RNF187: variants seen among roughly 807,000 people sequenced by gnomAD.
RNF187 encodes the protein E3 ubiquitin-protein ligase RNF187.
RNF187 carries 18 observed loss-of-function variants against 22.2 expected under a neutral mutation model. The observed-to-expected ratio is 0.81, with a 90% CI of 0.56 to 1.20. The LOEUF is 1.20. RNF187 is among the 50% of genes most tolerant of loss of function. The pLI, the probability that RNF187 is intolerant of heterozygous loss-of-function variation, is 0.00. For missense variants in RNF187, 329 were observed against 317.6 expected (o/e 1.04, Z -0.27); for synonymous variants, 164 against 140.9 (o/e 1.16, Z -1.16).
At chr1:228,490,972 CATGGGAG>C in intron 2 of RNF187, among the ~76,000 whole-genome samples, 7 of 152,144 alleles carry the variant, frequency 4.6e-5, no homozygotes, top group Non-Finnish European at 8.8e-5. Context: ...TCCCCTTGGC[CATGGGAG>C]ATGGGAGAGG....
At position 228,490,594 on chromosome 1, in the gene RNF187, C is replaced by T; in HGVS notation, c.483+1542C>T. On this transcript the variant is annotated intron_variant, in intron 2 of 3. Coordinates refer to ENST00000305943, the MANE Select transcript of RNF187 (RefSeq NM_001010858.3). ...GGAAGGAGTTTGCAGCGTGTTGCAT[C>T]AGCCAGCCAGCAGACACCCAGCTGT... Among the ~76,000 whole-genome samples the T allele has an allele frequency of 2.4e-3, 361 of 152,280 alleles. 2 individuals carry two copies. The highest frequency in any genetic ancestry group is 0.017 in the Middle Eastern group (5 of 294).
rs777048815 is a variant in RNF187 at position 228,487,543 on chromosome 1, C to T, written c.55C>T (p.Pro19Ser). The T allele has an allele frequency of 1.6e-6, 2 of 1,227,486 alleles. No individual in the cohort carries two copies. Among genetic ancestry groups the T allele is most frequent in the South Asian group, 2.2e-5 (1 of 46,354 alleles). 76.0% of individuals were successfully genotyped at this position (1,227,486 alleles called of 1,614,324 possible). A position where few individuals can be genotyped will look rare whatever the true frequency, so the allele number is the denominator to read the frequency against. Residue 19 changes from proline to serine, a missense_variant, in exon 1 of 4, where the codon CCC becomes TCC. Transcript: ENST00000305943. ...CGCCTGCGCCCTGTGCCAGCGCGCG[C>T]CCCGGGAACCGGTGCGCGCCGACTG...
intron 2 of RNF187, among the ~76,000 whole-genome samples, chr1:228,491,629 G>A: frequency 6.6e-6 from 1 of 151,908 alleles, no homozygotes; most frequent in Non-Finnish European, 1.5e-5. Context: ...TAGTGGAGAT[G>A]GGGTTTCACC....
Position 228,493,309 on chromosome 1 carries a change from G to C in RNF187, c.705+35G>C. On this transcript the variant is annotated intron_variant, in intron 3 of 3. Transcript: ENST00000305943. This position sits in a 1 kb window ranked among gnomAD's most constrained non-coding sequence, Gnocchi z 4.7. ...CCCCGCTGGGTCTGCCCACCATCGG[G>C]CCAGGGTGGACGCAGGCAGCAGCGA... The C allele has an allele frequency of 6.5e-7, 1 of 1,533,022 alleles. No individual in the cohort carries two copies. Among genetic ancestry groups the C allele is most frequent in the African/African-American group, 1.4e-5 (1 of 72,758 alleles). 95.0% of individuals were successfully genotyped at this position (1,533,022 alleles called of 1,614,324 possible). A position where few individuals can be genotyped will look rare whatever the true frequency, so the allele number is the denominator to read the frequency against.
chr1:228,489,443 AC>A, intron 2 of RNF187, among the ~76,000 whole-genome samples: 1 of 152,024 alleles, frequency 6.6e-6, no homozygotes. Context: ...GACTATAGGC[AC>A]GTGCTACCAC....
In RNF187 at chr1:228,489,014, C is replaced by G; in HGVS notation, c.445C>G (p.Leu149Val). 1 of 1,550,426 alleles carries G rather than the reference C, an allele frequency of 6.4e-7. No homozygotes were observed. Among genetic ancestry groups the G allele is most frequent in the Non-Finnish European group, 8.7e-7 (1 of 1,146,976 alleles). Residue 149 changes from leucine to valine, a missense_variant, in exon 2 of 4, where the codon CTG becomes GTG. Leu to Val is a conservative substitution (Grantham distance 32, BLOSUM62 1). Coordinates refer to ENST00000305943, the MANE Select transcript of RNF187 (RefSeq NM_001010858.3). ...AAAGGACTTGAATGACGCCCGGGAC[C>G]TGCATGGCCAGGCAGAGTCAGCAGC...
Position 228,493,843 on chromosome 1 carries a change from C to G in RNF187, c.706-40C>G. The G allele has an allele frequency of 6.5e-7, 1 of 1,549,366 alleles. No homozygotes were observed. The highest frequency in any genetic ancestry group is 8.7e-7 in the Non-Finnish European group (1 of 1,144,838). On this transcript the variant is annotated intron_variant, in intron 3 of 3. Transcript: ENST00000305943. The surrounding 1 kb of genome is among the most constrained non-coding windows in gnomAD (Gnocchi z 4.7). Reference sequence around the variant, plus strand: ...TCTCTGACTCTGTGTGTCTCTTTCTCTTTTTGTCTCTCTGTCTTTCCCTCT... The same window carrying G: ...TCTCTGACTCTGTGTGTCTCTTTCTGTTTTTGTCTCTCTGTCTTTCCCTCT...
At position 228,494,071 on chromosome 1, in the gene RNF187, A is replaced by G; in HGVS notation, c.*186A>G. 9.4e-6 allele frequency: 14 copies of G among 1,496,346 alleles called. No individual in the cohort carries two copies. In the East Asian group the frequency reaches 9.9e-5, roughly 11 times the overall value. 92.7% of individuals were successfully genotyped at this position (1,496,346 alleles called of 1,614,324 possible). A position where few individuals can be genotyped will look rare whatever the true frequency, so the allele number is the denominator to read the frequency against. On this transcript the variant is annotated 3_prime_UTR_variant, in exon 4 of 4. Transcript: ENST00000305943. ...CCCGAGGCGTGTTTTGGGGGCTGCA[A>G]ACACCTCCCGGTAGAGGCTGGACCT... is the stretch of plus-strand genomic sequence containing the variant.
At chr1:228,491,253 G>A in intron 2 of RNF187, among the ~76,000 whole-genome samples, 1 of 151,662 alleles carries the variant, frequency 6.6e-6, no homozygotes, top group African/African-American at 2.4e-5. Flanking sequence ...AGCCAGGTAT[G>A]GTGTTGCATC....
intron 2 of RNF187, among the ~76,000 whole-genome samples, chr1:228,491,758 C>A: frequency 8.5e-5 from 13 of 152,050 alleles, no homozygotes; most frequent in African/African-American, 3.1e-4. Flanking sequence ...TAATTTAACA[C>A]AAGTTTTATA....
rs980140972 is a variant in RNF187, at chr1:228,493,242, C to T, written c.673C>T (p.His225Tyr). Residue 225 changes from histidine (H) to tyrosine (Y), a missense_variant, in exon 3 of 4, where the codon CAT becomes TAT. Coordinates refer to ENST00000305943, the MANE Select transcript of RNF187 (RefSeq NM_001010858.3). The surrounding 1 kb of genome is among the most constrained non-coding windows in gnomAD (Gnocchi z 4.7). ...GGCGGTCTCGGAGCTGGAGAAGAAG[C>T]ATCGCAACCTGGGCCTCAGCATGCT... is the stretch of plus-strand genomic sequence containing the variant. 2 of 1,551,138 alleles carry T rather than the reference C, an allele frequency of 1.3e-6. No homozygotes were observed. The highest frequency in any genetic ancestry group is 1.7e-6 in the Non-Finnish European group (2 of 1,146,954).
At position 228,495,151 on chromosome 1, in the gene RNF187, C is replaced by A; in HGVS notation, c.*1266C>A. ...GGCCTGGGGGGAGATGGGGCTCCAC[C>A]CCGACGTAGCAGGGCAGGGGTTGGA... is the stretch of plus-strand genomic sequence containing the variant. On this transcript the variant is annotated 3_prime_UTR_variant, in exon 4 of 4. Coordinates refer to ENST00000305943, the MANE Select transcript of RNF187 (RefSeq NM_001010858.3). 1 of 549,760 alleles carries A rather than the reference C, an allele frequency of 1.8e-6. No homozygotes were observed. Among genetic ancestry groups the A allele is most frequent in the Non-Finnish European group, 2.3e-6 (1 of 431,978 alleles). 34.1% of individuals were successfully genotyped at this position (549,760 alleles called of 1,614,324 possible).
rs1658870038 is a variant in RNF187, at chr1:228,487,688, C to T, written c.200C>T (p.Pro67Leu). Reference sequence around the variant, plus strand: ...CGCGCCGTGGAGCCCGGCAGGCCCCCGCTCAGCCGCCGCCTTCTGGCGCTC... The same window carrying T: ...CGCGCCGTGGAGCCCGGCAGGCCCCTGCTCAGCCGCCGCCTTCTGGCGCTC... The change falls in exon 1 of 4, where the codon CCG (proline) becomes CTG (leucine). Residue 67 changes from proline (P) to leucine (L), a missense_variant. Physicochemically the swap from Pro to Leu is moderately conservative, Grantham distance 98. Transcript: ENST00000305943. The T allele has an allele frequency of 9.3e-7, 1 of 1,079,202 alleles. No homozygotes were observed. Among genetic ancestry groups the T allele is most frequent in the Non-Finnish European group, 1.1e-6 (1 of 891,310 alleles). 66.9% of individuals were successfully genotyped at this position (1,079,202 alleles called of 1,614,324 possible). A position where few individuals can be genotyped will look rare whatever the true frequency, so the allele number is the denominator to read the frequency against.
intron 2 of RNF187, 98 bp downstream of exon 2, chr1:228,489,150 C>T: frequency 1.1e-6 from 1 of 949,490 alleles, no homozygotes; most frequent in Non-Finnish European, 1.6e-6. Flanking sequence ...GGCCTCTGAA[C>T]TGCTCAGCTG....
Position 228,487,799 on chromosome 1 carries a change from T to C in RNF187, c.311T>C (p.Leu104Pro). 8.7e-7 allele frequency: 1 copy of C among 1,147,124 alleles called. No homozygotes were observed. Among genetic ancestry groups the C allele is most frequent in the Non-Finnish European group, 1.1e-6 (1 of 932,864 alleles). The allele number at this position is 1,147,124 out of a possible 1,614,324, so 71.1% of individuals were successfully genotyped here. Residue 104 changes from leucine to proline, a missense_variant, in exon 1 of 4, where the codon CTC becomes CCC. Leu to Pro is a moderately conservative substitution (Grantham distance 98, BLOSUM62 -3). Coordinates refer to ENST00000305943, the MANE Select transcript of RNF187 (RefSeq NM_001010858.3). ...CTGTGCCGCGCCGACGCCGGCCCGC[T>C]CTGCGCCGCCTGCCGTATGGCTGCG...
chr1:228,490,662 A>G, intron 2 of RNF187, among the ~76,000 whole-genome samples: 10 of 152,202 alleles, frequency 6.6e-5, no homozygotes, highest in Non-Finnish European at 1.2e-4. Flanking sequence ...CCTCATGACT[A>G]TGGGTGTCAC....
intron 2 of RNF187, among the ~76,000 whole-genome samples, chr1:228,492,084 C>T: frequency 6.6e-6 from 1 of 152,078 alleles, no homozygotes; most frequent in East Asian, 1.9e-4. Context: ...AGGCCTTGCT[C>T]TGTTGGCCCA....
At position 228,493,966 on chromosome 1, in the gene RNF187, G is replaced by C; in HGVS notation, c.*81G>C. ...CCATGGGAAGTGTCAGCGTGTGGCT[G>C]CCAGGGAAGCGTGGCAGGCGCCTGG... is the stretch of plus-strand genomic sequence containing the variant. On this transcript the variant is annotated 3_prime_UTR_variant, in exon 4 of 4. Transcript: ENST00000305943. The surrounding 1 kb of genome is among the most constrained non-coding windows in gnomAD (Gnocchi z 4.7). 6.4e-7 allele frequency: 1 copy of C among 1,551,620 alleles called. No homozygotes were observed. The highest frequency in any genetic ancestry group is 1.2e-5 in the South Asian group (1 of 84,060).
intron 2 of RNF187, among the ~76,000 whole-genome samples, chr1:228,489,446 TGC>T: frequency 6.6e-6 from 1 of 152,152 alleles, no homozygotes. Flanking sequence ...TATAGGCACG[TGC>T]TACCACACCT....
Sources: gnomAD v4.1 joint callset for allele counts (sites outside exome capture counted in the v4.1 genomes callset) on GRCh38, gnomAD v4.1.1 for gene constraint, Gnocchi (gnomAD v3.1) non-coding constraint, MANE v1.5 for transcripts, NCBI Gene and HGNC (gene_info 2026-07-23, HGNC 2026-07-21) for gene names.